SESN1: variants seen among roughly 807,000 people sequenced by gnomAD.
SESN1 encodes sestrin 1, also known as sestrin-1.
A neutral mutation model predicts 59.3 loss-of-function variants in SESN1; 30 were observed. That is an observed-to-expected ratio of 0.51 (90% CI 0.38 to 0.69). The LOEUF is 0.69. SESN1 is among the 30% of genes least tolerant of loss of function. SESN1 has a pLI of 0.00. For missense variants in SESN1, 566 were observed against 673.0 expected (o/e 0.84, Z 1.76); for synonymous variants, 197 against 219.9 (o/e 0.90, Z 0.92).
intron 1 of SESN1, among the ~76,000 whole-genome samples, chr6:109,072,654 G>GT (rs1780958136): frequency 6.6e-6 from 1 of 152,144 alleles, no homozygotes; most frequent in Non-Finnish European, 1.5e-5. Flanking sequence ...AAGTAAAACA[G>GT]TAACTTTTGA....
intron 1 of SESN1, among the ~76,000 whole-genome samples, chr6:109,088,540 A>G (rs957634237): frequency 3.3e-5 from 5 of 152,140 alleles, no homozygotes; most frequent in South Asian, 2.1e-4. Context: ...CTTACCAAAG[A>G]TAAGTATTTT....
At chr6:109,050,771 A>G (rs1459177096) in intron 1 of SESN1, among the ~76,000 whole-genome samples, 1 of 152,202 alleles carries the variant, frequency 6.6e-6, no homozygotes, top group East Asian at 1.9e-4. Context: ...AGTAATCATA[A>G]GGAATTAAAA....
intron 1 of SESN1, among the ~76,000 whole-genome samples, chr6:109,042,504 A>G (rs1275624097): frequency 1.3e-5 from 2 of 151,212 alleles, no homozygotes; most frequent in East Asian, 3.9e-4. Flanking sequence ...ACCAATATCT[A>G]TTAGGAATGA....
At chr6:109,009,229 G>GGTC (rs1779804746) in intron 1 of SESN1, 4 of 913,644 alleles carry the variant, frequency 4.4e-6, no homozygotes, top group Non-Finnish European at 5.9e-6. Context: ...CCTATCTGGG[G>GGTC]AGCGTTTTCG....
rs927620893 is a variant in SESN1, at chr6:108,985,362, T to A, written c.*2182A>T. The stretch of plus-strand genomic sequence containing the variant: ...TCATGATTATTTTAGAAGAAAATTT[T>A]CCTCTGGTTGGGGAAGGTTTTGATA... On this transcript the variant is annotated 3_prime_UTR_variant, in exon 10 of 10. Transcript: ENST00000436639. 1.3e-5 allele frequency among the ~76,000 whole-genome samples: 2 copies of A among 152,166 alleles called. No individual in the cohort carries two copies. The highest frequency in any genetic ancestry group is 4.8e-5 in the African/African-American group (2 of 41,452).
At chr6:109,090,446 T>C (rs766618047) in intron 1 of SESN1, 1 of 152,220 alleles carries the variant, frequency 6.6e-6, no homozygotes, top group African/African-American at 2.4e-5. Flanking sequence ...TAGCCTACTG[T>C]TGACTGGAAA....
chr6:109,039,670 A>C (rs1302429184), intron 1 of SESN1, among the ~76,000 whole-genome samples: 2 of 152,262 alleles, frequency 1.3e-5, no homozygotes, highest in African/African-American at 4.8e-5. Context: ...TGTAGATTCT[A>C]AACTTGCTAA....
intron 1 of SESN1, among the ~76,000 whole-genome samples, chr6:109,028,478 T>C (rs1022074025): frequency 2.0e-5 from 3 of 152,110 alleles, no homozygotes; most frequent in South Asian, 2.1e-4. Flanking sequence ...TGTATGTATG[T>C]TAAATTAAGT....
chr6:109,016,564 A>G (rs1779932516), intron 1 of SESN1, among the ~76,000 whole-genome samples: 1 of 152,192 alleles, frequency 6.6e-6, no homozygotes, highest in African/African-American at 2.4e-5. Context: ...TATTTTAAAA[A>G]TAAAATGCTG....
At position 109,062,374 on chromosome 6, in the gene SESN1, G is replaced by A. The variant is rs559291976; in HGVS notation, c.279+31421C>T. On this transcript the variant is annotated intron_variant, in intron 1 of 9. Coordinates refer to ENST00000436639, the MANE Select transcript of SESN1 (RefSeq NM_014454.3). ...CCTGTGAGTCTGAGGCGCACAGAGCGAGGAAGAGCACATTGCAAGATGAGG... is the reference window on the plus strand; with the variant it reads ...CCTGTGAGTCTGAGGCGCACAGAGCAAGGAAGAGCACATTGCAAGATGAGG... 3.9e-5 allele frequency among the ~76,000 whole-genome samples: 6 copies of A among 152,310 alleles called. No individual in the cohort carries two copies. The East Asian group carries it at 9.7e-4, about 25-fold the overall frequency.
At chr6:108,997,904 G>C (rs968601438) in intron 5 of SESN1, among the ~76,000 whole-genome samples, 5 of 152,100 alleles carry the variant, frequency 3.3e-5, no homozygotes, top group Non-Finnish European at 7.4e-5. Context: ...AACTTGCTCT[G>C]TTTCAAAGGA....
At chr6:109,013,255 C>G (rs11751295) in intron 1 of SESN1, among the ~76,000 whole-genome samples, 17,123 of 151,994 alleles carry the variant, frequency 0.11, 1,063 homozygotes, top group Middle Eastern at 0.19. Context: ...AAATATATTG[C>G]AAGGGGCAAA....
At chr6:109,023,159 C>T (rs1420472163) in intron 1 of SESN1, among the ~76,000 whole-genome samples, 4 of 152,208 alleles carry the variant, frequency 2.6e-5, no homozygotes, top group African/African-American at 9.7e-5. Flanking sequence ...TATCTTCTCC[C>T]TAATTACTGC....
chr6:109,018,949 TAAGAA>T lies in SESN1; in HGVS notation c.280-16611_280-16607del, dbSNP rs1245004084. Among the ~76,000 whole-genome samples, 7 of 152,246 alleles carry T rather than the reference TAAGAA, an allele frequency of 4.6e-5. No individual in the cohort carries two copies. The South Asian group carries it at 6.2e-4, about 14-fold the overall frequency. On this transcript the variant is annotated intron_variant, in intron 1 of 9. Transcript: ENST00000436639. ...TCAGATTTTCTTGATATTATGCATA[TAAGAA>T]AATATAGAAATACTGCAACCATCAT... is the stretch of plus-strand genomic sequence containing the variant.
At chr6:109,003,891 A>G (rs545069246) in intron 1 of SESN1, among the ~76,000 whole-genome samples, 2 of 152,358 alleles carry the variant, frequency 1.3e-5, no homozygotes, top group African/African-American at 4.8e-5. Flanking sequence ...TAAAATTAAC[A>G]TTTATCCCCT....
chr6:109,002,093 T>C lies in SESN1; in HGVS notation c.345+185A>G, dbSNP rs530994003. On this transcript the variant is annotated intron_variant, in intron 2 of 9. Transcript: ENST00000436639. ...GTGTTAAAAACACATCATGAAATAC[T>C]AGAAATCAACACAAGTACAACAGCT... Among the ~76,000 whole-genome samples the C allele has an allele frequency of 3.9e-5, 6 of 152,296 alleles. No individual in the cohort carries two copies. The East Asian group carries it at 1.2e-3, about 29-fold the overall frequency.
Position 108,998,538 on chromosome 6 carries a change from G to A in SESN1, c.947C>T (p.Pro316Leu), listed in dbSNP as rs150654249. 2,014 of 1,613,740 alleles carry A rather than the reference G, an allele frequency of 1.2e-3. 4 individuals carry two copies. Among genetic ancestry groups the A allele is most frequent in the Non-Finnish European group, 1.5e-3 (1,776 of 1,179,732 alleles). Residue 316 changes from proline (P) to leucine (L), a missense_variant, in exon 5 of 10, where the codon CCG becomes CTG. Coordinates refer to ENST00000436639, the MANE Select transcript of SESN1 (RefSeq NM_014454.3). The stretch of plus-strand genomic sequence containing the variant: ...AGAAACATTTTCTGCTGAGTTGACC[G>A]GCATCTCATCCACACTGTGATTGCC... ...TNGNHSVDEM[P>L]VNSAENVSVS...
chr6:109,064,755 G>A (rs755699646), intron 1 of SESN1, among the ~76,000 whole-genome samples: 1 of 150,992 alleles, frequency 6.6e-6, no homozygotes, highest in Non-Finnish European at 1.5e-5. Flanking sequence ...CAAGCATAGA[G>A]TATATGAAGT....
intron 9 of SESN1, chr6:108,988,219 T>G (rs1779254185): frequency 5.2e-6 from 1 of 191,142 alleles, no homozygotes; most frequent in Non-Finnish European, 1.1e-5. Context: ...CAAATCATTA[T>G]TCAGTAATTT....
Sources: gnomAD v4.1 joint callset for allele counts (sites outside exome capture counted in the v4.1 genomes callset) on GRCh38, gnomAD v4.1.1 for gene constraint, MANE v1.5 for transcripts, NCBI Gene and HGNC (gene_info 2026-07-23, HGNC 2026-07-21) for gene names.